The following FLRT2 variants were observed in gnomAD, a reference collection of about 807,000 sequenced individuals.
FLRT2 encodes leucine-rich repeat transmembrane protein FLRT2.
Under a neutral mutation model 40.0 loss-of-function variants are expected in FLRT2, and 15 were observed. The ratio of observed to expected loss-of-function variants is 0.38; its 90% CI spans 0.25 to 0.58. FLRT2 has a LOEUF of 0.58. FLRT2 is among the 20% of genes least tolerant of loss of function. The probability of loss-of-function intolerance (pLI) is 0.71; values close to 1 mark genes in which losing one functional copy is unlikely to be tolerated. For synonymous variants in FLRT2, 380 were observed against 336.8 expected, an observed-to-expected ratio of 1.13 and a Z score of -1.41; for missense variants, 726 against 840.0, an observed-to-expected ratio of 0.86 and a Z score of 1.68.
In FLRT2 at chr14:85,634,427, G is replaced by C. The variant is rs979468190; in HGVS notation, c.*10930G>C. The C allele has an allele frequency of 1.3e-5, 2 of 152,156 alleles. No individual in the cohort carries two copies. Among genetic ancestry groups the C allele is most frequent in the Admixed American group, 6.5e-5 (1 of 15,278 alleles). 9.4% of individuals were successfully genotyped at this position (152,156 alleles called of 1,614,324 possible). A position where few individuals can be genotyped will look rare whatever the true frequency, so the allele number is the denominator to read the frequency against. ...GTATTTTACATAACTGCCCTCATTA[G>C]TTGGAATATAGCATGCTTTACTAGT... On this transcript the variant is annotated 3_prime_UTR_variant, in exon 2 of 2. Coordinates refer to ENST00000330753, the MANE Select transcript of FLRT2 (RefSeq NM_013231.6).
chr14:85,544,304 G>T (rs568968726), intron 1 of FLRT2, among the ~76,000 whole-genome samples: 9 of 152,168 alleles, frequency 5.9e-5, no homozygotes, highest in Admixed American at 2.0e-4. Flanking sequence ...TAATAATTTC[G>T]CTTGATGATA....
intron 1 of FLRT2, among the ~76,000 whole-genome samples, chr14:85,602,516 G>A (rs1473141883): frequency 6.6e-6 from 1 of 152,150 alleles, no homozygotes; most frequent in Non-Finnish European, 1.5e-5. Context: ...TCTTCCTCCG[G>A]GTTTGTTCAA....
At position 85,626,324 on chromosome 14, in the gene FLRT2, T is replaced by C. The variant is rs1190949714; in HGVS notation, c.*2827T>C. 1.2e-5 allele frequency: 2 copies of C among 167,062 alleles called. No homozygotes were observed. Among genetic ancestry groups the C allele is most frequent in the Non-Finnish European group, 2.9e-5 (2 of 68,122 alleles). 10.3% of individuals were successfully genotyped at this position (167,062 alleles called of 1,614,324 possible). ...TGGGCCTCTCTTGCTGTCATTATGA[T>C]GTATTTTGAGATGATTAGTCAAGAG... is the stretch of plus-strand genomic sequence containing the variant. On this transcript the variant is annotated 3_prime_UTR_variant, in exon 2 of 2. Coordinates refer to ENST00000330753, the MANE Select transcript of FLRT2 (RefSeq NM_013231.6).
rs559138163 is a variant in FLRT2 at position 85,566,563 on chromosome 14, G to T, written c.-377+36029G>T. On this transcript the variant is annotated intron_variant, in intron 1 of 1. Transcript: ENST00000330753. ...AACTTCCATGGTTGTGTGTGTGTGT[G>T]TGTGTGTGTGTGTGCAAGATAGAAA... 3.3e-5 allele frequency among the ~76,000 whole-genome samples: 5 copies of T among 151,810 alleles called. 1 individual carries two copies. The South Asian group carries it at 1.0e-3, about 32-fold the overall frequency.
chr14:85,596,532 A>G (rs575871351), intron 1 of FLRT2, among the ~76,000 whole-genome samples: 2 of 151,766 alleles, frequency 1.3e-5, no homozygotes, highest in Admixed American at 6.5e-5. Flanking sequence ...TTAAATGTGG[A>G]AAAAGGATTT....
intron 1 of FLRT2, among the ~76,000 whole-genome samples, chr14:85,611,846 G>A (rs1892877705): frequency 1.3e-5 from 2 of 151,962 alleles, no homozygotes; most frequent in African/African-American, 2.4e-5. Context: ...ACATGGTTGA[G>A]TCAAGGATGA....
rs1474203647 is a variant in FLRT2 at position 85,630,437 on chromosome 14, G to A, written c.*6940G>A. The A allele has an allele frequency of 1.3e-5, 2 of 152,022 alleles. No individual in the cohort carries two copies. Among genetic ancestry groups the A allele is most frequent in the Non-Finnish European group, 2.9e-5 (2 of 68,004 alleles). 9.4% of individuals were successfully genotyped at this position (152,022 alleles called of 1,614,324 possible). Reference sequence around the variant, plus strand: ...ATAAAAAACTATGCTGGCTCAAAAAGTCTTCTAAACTCCCTAGTTGGGATA... The same window carrying A: ...ATAAAAAACTATGCTGGCTCAAAAAATCTTCTAAACTCCCTAGTTGGGATA... On this transcript the variant is annotated 3_prime_UTR_variant, in exon 2 of 2. Coordinates refer to ENST00000330753, the MANE Select transcript of FLRT2 (RefSeq NM_013231.6).
At position 85,621,465 on chromosome 14, in the gene FLRT2, T is replaced by C; in HGVS notation, c.-50T>C. On this transcript the variant is annotated 5_prime_UTR_variant, in exon 2 of 2. Transcript: ENST00000330753. ...TTTTGATTTTGCTGTTTATTTTTTT[T>C]TTCTTTTTCTTTTTCCCACCACATT... 9 of 1,499,830 alleles carry C rather than the reference T, an allele frequency of 6.0e-6. No individual in the cohort carries two copies. The highest frequency in any genetic ancestry group is 1.4e-5 in the African/African-American group (1 of 71,210). The allele number at this position is 1,499,830 out of a possible 1,614,324, so 92.9% of individuals were successfully genotyped here. A position where few individuals can be genotyped will look rare whatever the true frequency, so the allele number is the denominator to read the frequency against.
rs763323688 is a variant in FLRT2 at position 85,617,549 on chromosome 14, G to T, written c.-376-3590G>T. 4.6e-5 allele frequency among the ~76,000 whole-genome samples: 7 copies of T among 152,206 alleles called. No individual in the cohort carries two copies. In the East Asian group the frequency reaches 1.4e-3, roughly 30 times the overall value. ...CTGTAAATATGGTCCCCAACTTAAA[G>T]TCTAAAAGGATCGCTGCCTTCATTA... On this transcript the variant is annotated intron_variant, in intron 1 of 1. Transcript: ENST00000330753.
At chr14:85,596,067 T>C (rs1007252850) in intron 1 of FLRT2, among the ~76,000 whole-genome samples, 2 of 152,174 alleles carry the variant, frequency 1.3e-5, no homozygotes, top group Non-Finnish European at 2.9e-5. Context: ...CTCAGGAAAT[T>C]ACGGTTCACT....
At chr14:85,619,390 C>T (rs564934499) in intron 1 of FLRT2, among the ~76,000 whole-genome samples, 145 of 152,142 alleles carry the variant, frequency 9.5e-4, no homozygotes, top group Non-Finnish European at 1.5e-3. Context: ...AAATCAAGCC[C>T]GGCCATGCTT....
At chr14:85,561,744 C>T (rs1890335344) in intron 1 of FLRT2, among the ~76,000 whole-genome samples, 1 of 152,184 alleles carries the variant, frequency 6.6e-6, no homozygotes, top group South Asian at 2.1e-4. Flanking sequence ...TAGAATCGTA[C>T]CAGAAGCCTT....
At chr14:85,576,793 C>T (rs1309759732) in intron 1 of FLRT2, among the ~76,000 whole-genome samples, 2 of 152,202 alleles carry the variant, frequency 1.3e-5, no homozygotes, top group African/African-American at 4.8e-5. Context: ...GTATTGTAGA[C>T]ACACCTTGAA....
At position 85,631,561 on chromosome 14, in the gene FLRT2, C is replaced by G. The variant is rs1232563337; in HGVS notation, c.*8064C>G. 1 of 151,870 alleles carries G rather than the reference C, an allele frequency of 6.6e-6. No individual in the cohort carries two copies. Among genetic ancestry groups the G allele is most frequent in the African/African-American group, 2.4e-5 (1 of 41,320 alleles). The allele number at this position is 151,870 out of a possible 1,614,324, so 9.4% of individuals were successfully genotyped here. ...GCCAGATGGCTCTTTTTTTAATAGC[C>G]CCAGAAAGAGCTGTGGAGTTCTGAC... On this transcript the variant is annotated 3_prime_UTR_variant, in exon 2 of 2. Coordinates refer to ENST00000330753, the MANE Select transcript of FLRT2 (RefSeq NM_013231.6).
chr14:85,634,760 A>G lies in FLRT2; in HGVS notation c.*11263A>G, dbSNP rs1453228545. 6.6e-6 allele frequency: 1 copy of G among 152,202 alleles called. No individual in the cohort carries two copies. The highest frequency in any genetic ancestry group is 1.5e-5 in the Non-Finnish European group (1 of 68,038). The allele number at this position is 152,202 out of a possible 1,614,324, so 9.4% of individuals were successfully genotyped here. On this transcript the variant is annotated 3_prime_UTR_variant, in exon 2 of 2. Transcript: ENST00000330753. ...CTGACACATATAAAGTGCTCAATAA[A>G]TGCCAGCTACTTTCTGAAAATATAT...
intron 1 of FLRT2, among the ~76,000 whole-genome samples, chr14:85,549,813 T>C (rs1199950577): frequency 1.6e-4 from 3 of 18,982 alleles, no homozygotes; most frequent in Non-Finnish European, 3.2e-4. Flanking sequence ...CATAGCTATT[T>C]TTTTTTTTTT....
chr14:85,567,972 T>C (rs1304875411), intron 1 of FLRT2, among the ~76,000 whole-genome samples: 6 of 152,016 alleles, frequency 3.9e-5, no homozygotes, highest in Non-Finnish European at 8.8e-5. Flanking sequence ...ATCAGGGGAA[T>C]GTTAACTTCC....
At chr14:85,607,437 A>G (rs1164700259) in intron 1 of FLRT2, among the ~76,000 whole-genome samples, 1 of 152,206 alleles carries the variant, frequency 6.6e-6, no homozygotes, top group Non-Finnish European at 1.5e-5. Flanking sequence ...TTGTTAATGG[A>G]TTGTCATTGA....
intron 1 of FLRT2, among the ~76,000 whole-genome samples, chr14:85,581,604 T>G (rs1891388536): frequency 6.6e-6 from 1 of 152,240 alleles, no homozygotes; most frequent in Non-Finnish European, 1.5e-5. Context: ...GACTTCCATT[T>G]TCTTCTGGAA....
Sources: allele counts gnomAD v4.1 joint callset (sites outside exome capture counted in the v4.1 genomes callset), GRCh38; gene constraint gnomAD v4.1.1; transcripts MANE v1.5; gene names NCBI Gene and HGNC (gene_info 2026-07-23, HGNC 2026-07-21).